The following NLRP2 variants were observed in gnomAD, a reference collection of about 807,000 sequenced individuals.
NLRP2 encodes NACHT, LRR and PYD domains-containing protein 2.
NLRP2 carries 107 observed loss-of-function variants against 97.2 expected under a neutral mutation model. The observed-to-expected ratio is 1.10, with a 90% CI of 0.94 to 1.29. The LOEUF (loss-of-function observed/expected upper bound fraction) is 1.29, where lower values mean the gene tolerates loss of function less well. NLRP2 is among the 50% of genes most tolerant of loss of function. The pLI, the probability that NLRP2 is intolerant of heterozygous loss-of-function variation, is 0.00. For missense variants in NLRP2, 1,495 were observed against 1,330.3 expected (o/e 1.12, Z -1.93); for synonymous variants, 663 against 551.5 (o/e 1.20, Z -2.83).
At chr19:54,985,523 C>T (rs1485310032) in intron 7 of NLRP2, among the ~76,000 whole-genome samples, 3 of 150,860 alleles carry the variant, frequency 2.0e-5, no homozygotes, top group Non-Finnish European at 4.4e-5. Flanking sequence ...ACTAAAAATA[C>T]AAAAATTATC....
intron 2 of NLRP2, among the ~76,000 whole-genome samples, chr19:54,972,474 C>T (rs1230462388): frequency 6.6e-6 from 1 of 152,024 alleles, no homozygotes; most frequent in Non-Finnish European, 1.5e-5. Flanking sequence ...AGCCGCCATG[C>T]CCAGCTACAC....
intron 8 of NLRP2, among the ~76,000 whole-genome samples, chr19:54,988,982 G>A (rs1312022726): frequency 1.3e-5 from 2 of 151,938 alleles, no homozygotes; most frequent in Non-Finnish European, 2.9e-5. Context: ...TTTTGAGACG[G>A]AGTCTTGCTC....
intron 4 of NLRP2, among the ~76,000 whole-genome samples, chr19:54,980,396 G>A (rs112810306): frequency 0.012 from 1,839 of 151,858 alleles, 31 homozygotes; most frequent in Non-Finnish European, 0.016. Context: ...GGGTTTCACC[G>A]TGTTAGCCAG....
chr19:54,978,233 AAT>A (rs1491404196), intron 4 of NLRP2, among the ~76,000 whole-genome samples: 2 of 101,142 alleles, frequency 2.0e-5, no homozygotes, highest in Non-Finnish European at 1.8e-5. Context: ...ACACCCAGCT[AAT>A]TTTTTTTTTT....
rs1404557490 is a variant in NLRP2 at position 54,992,179 on chromosome 19, T to C, written c.2708+1507T>C. On this transcript the variant is annotated intron_variant, in intron 10 of 12. Transcript: ENST00000448584. The stretch of plus-strand genomic sequence containing the variant: ...CGCCCGCCTCAGCCTTCCAAAGTGC[T>C]AGGATTTACAGGCATGAGCCACTGC... Among the ~76,000 whole-genome samples, 11 of 152,012 alleles carry C rather than the reference T, an allele frequency of 7.2e-5. No individual in the cohort carries two copies. The East Asian group carries it at 2.0e-3, about 27-fold the overall frequency.
chr19:54,966,700 T>C (rs1234971249), intron 1 of NLRP2, among the ~76,000 whole-genome samples: 195 of 151,666 alleles, frequency 1.3e-3, no homozygotes, highest in Middle Eastern at 6.8e-3. Context: ...CACCTGCCAC[T>C]ATGCCCAGCT....
At chr19:55,000,245 C>T (rs1263495049) in intron 12 of NLRP2, among the ~76,000 whole-genome samples, 4 of 138,830 alleles carry the variant, frequency 2.9e-5, no homozygotes, top group Non-Finnish European at 6.1e-5. Context: ...CCACTGCACT[C>T]CAGCTTGGGC....
intron 1 of NLRP2, among the ~76,000 whole-genome samples, chr19:54,967,378 A>G (rs1211710050): frequency 6.7e-6 from 1 of 149,358 alleles, no homozygotes. Flanking sequence ...GCTACTCAGG[A>G]GGCTGAGGCA....
chr19:54,969,672 T>TA (rs2070719084), intron 1 of NLRP2, among the ~76,000 whole-genome samples: 1 of 151,944 alleles, frequency 6.6e-6, no homozygotes, highest in African/African-American at 2.4e-5. Flanking sequence ...TAAATAAAAG[T>TA]AAAATGAGTT....
At chr19:54,988,427 G>T (rs1178487130) in intron 8 of NLRP2, among the ~76,000 whole-genome samples, 1 of 151,942 alleles carries the variant, frequency 6.6e-6, no homozygotes, top group Non-Finnish European at 1.5e-5. Flanking sequence ...CAAGTAGCTG[G>T]GATTACAGGC....
At chr19:55,000,172 G>T (rs193003694) in intron 12 of NLRP2, among the ~76,000 whole-genome samples, 2 of 151,044 alleles carry the variant, frequency 1.3e-5, no homozygotes, top group South Asian at 4.2e-4. Context: ...CCAGCTACTC[G>T]GGAGGCAGAG....
chr19:54,990,571 G>C lies in NLRP2; in HGVS notation c.2607G>C (p.Glu869Asp). The C allele has an allele frequency of 1.2e-6, 2 of 1,614,158 alleles. No individual in the cohort carries two copies. Among genetic ancestry groups the C allele is most frequent in the Non-Finnish European group, 1.7e-6 (2 of 1,180,026 alleles). The change falls in exon 10 of 13, where the codon GAG (glutamate) becomes GAC (aspartate). Residue 869 changes from glutamate to aspartate, a missense_variant. Physicochemically the swap from Glu to Asp is conservative, Grantham distance 45. Coordinates refer to ENST00000448584, the MANE Select transcript of NLRP2 (RefSeq NM_017852.5). The stretch of plus-strand genomic sequence containing the variant: ...CTGCTGTGTTGGTTGTCAGCCGGGA[G>C]CTGACACACCTGTGCTTGGCCAAGA... ...DLAAVLVVSR[E>D]LTHLCLAKNP...
intron 3 of NLRP2, chr19:54,976,779 A>T (rs1044390862): frequency 9.9e-6 from 4 of 405,018 alleles, no homozygotes; most frequent in Admixed American, 2.9e-5. Flanking sequence ...TAAGCTGCAG[A>T]TATTGTTATT....
intron 11 of NLRP2, among the ~76,000 whole-genome samples, chr19:54,995,641 A>G (rs1436785147): frequency 2.6e-5 from 4 of 152,078 alleles, no homozygotes; most frequent in Non-Finnish European, 2.9e-5. Flanking sequence ...TGCTGGCTCT[A>G]TCAGCAGGTG....
rs376466868 is a variant in NLRP2, at chr19:54,990,063, T to G, written c.2408T>G (p.Leu803Arg). Residue 803 changes from leucine to arginine, a missense_variant, in exon 9 of 13, where the codon CTC becomes CGC. By Grantham distance (102) the Leu-to-Arg change is moderately radical. Coordinates refer to ENST00000448584, the MANE Select transcript of NLRP2 (RefSeq NM_017852.5). Reference protein sequence around the residue: ...CSATTQQWADLSLALEVNQSL... With the variant: ...CSATTQQWADRSLALEVNQSL... ...GCTACCACTCAGCAGTGGGCTGATCTCTCCTTGGCCCTTGAAGTCAACCAG... is the reference window on the plus strand; with the variant it reads ...GCTACCACTCAGCAGTGGGCTGATCGCTCCTTGGCCCTTGAAGTCAACCAG... The G allele has an allele frequency of 6.2e-7, 1 of 1,613,840 alleles. No homozygotes were observed. Among genetic ancestry groups the G allele is most frequent in the Non-Finnish European group, 8.5e-7 (1 of 1,180,020 alleles).
At position 54,982,360 on chromosome 19, in the gene NLRP2, C is replaced by A. The variant is rs17699678; in HGVS notation, c.662C>A (p.Thr221Lys). 1 of 1,614,018 alleles carries A rather than the reference C, an allele frequency of 6.2e-7. No individual in the cohort carries two copies. The highest frequency in any genetic ancestry group is 8.5e-7 in the Non-Finnish European group (1 of 1,179,984). The stretch of plus-strand genomic sequence containing the variant: ...GGTCCTGCAGGCCTTGGGAAAACCA[C>A]GCTGGCCCAGAAACTAATGCTAGAC... ...LYGPAGLGKT[T>K]LAQKLMLDWA... The change falls in exon 6 of 13, where the codon ACG becomes AAG. Residue 221 changes from threonine (T) to lysine (K), a missense_variant. Transcript: ENST00000448584.
chr19:54,988,317 T>C (rs775853114), intron 8 of NLRP2, among the ~76,000 whole-genome samples: 5 of 152,106 alleles, frequency 3.3e-5, no homozygotes, highest in Non-Finnish European at 7.4e-5. Context: ...TCTCAAGATA[T>C]AGTCTTGCTC....
rs769085492 is a variant in NLRP2, at chr19:54,997,460, G to A, written c.3023G>A (p.Cys1008Tyr). The change falls in exon 12 of 13, where the codon TGT becomes TAT. Residue 1008 changes from cysteine to tyrosine, a missense_variant. Physicochemically the swap from Cys to Tyr is radical, Grantham distance 194. Transcript: ENST00000448584. ...AAGATGCTGTTTGAAACCTTGACAT[G>A]TTCCAGTGGCACCCTCCGGACACTC... ...GVKMLFETLT[C>Y]SSGTLRTLRL... 4 of 1,614,056 alleles carry A rather than the reference G, an allele frequency of 2.5e-6. No individual in the cohort carries two copies. The African/African-American group carries it at 4.0e-5, about 16-fold the overall frequency.
At chr19:54,990,454 T>C (rs1159114980) in intron 9 of NLRP2, 48 bp from the exon 10 acceptor site, 1 of 1,600,718 alleles carries the variant, frequency 6.2e-7, no homozygotes, top group Non-Finnish European at 8.6e-7. Context: ...GCCGGGAAGG[T>C]TGAAGTTGGA....
Sources: gnomAD v4.1 joint callset for allele counts (sites outside exome capture counted in the v4.1 genomes callset) on GRCh38, gnomAD v4.1.1 for gene constraint, MANE v1.5 for transcripts, NCBI Gene and HGNC (gene_info 2026-07-23, HGNC 2026-07-21) for gene names.